ZNF469: variants seen among roughly 807,000 people sequenced by gnomAD.
The protein encoded by ZNF469 is zinc finger protein 469.
Under a neutral mutation model 1.0 loss-of-function variants are expected in ZNF469, and 1 was observed. The observed-to-expected ratio is 1.00, with a 90% confidence interval of 0.35 to 4.73. The LOEUF is 4.73. Ranked by LOEUF, ZNF469 falls within the 30% of genes most tolerant of loss-of-function variation. The probability of loss-of-function intolerance (pLI) is 0.16; values close to 1 mark genes in which losing one functional copy is unlikely to be tolerated. For synonymous variants in ZNF469, 2,703 were observed against 2,363.4 expected (o/e 1.14, Z -4.17); for missense variants, 6,100 against 5,356.3 (o/e 1.14, Z -4.33).
At chr16:88,340,209 G>T in the ZNF469 span, among the ~76,000 whole-genome samples, 1 of 152,196 alleles carries the variant, frequency 6.6e-6, no homozygotes, top group African/African-American at 2.4e-5. Flanking sequence ...GCAGCTTAAG[G>T]AGTTCACCTG....
chr16:88,362,139 C>T, the ZNF469 span, among the ~76,000 whole-genome samples: 1 of 152,208 alleles, frequency 6.6e-6, no homozygotes. Context: ...TGGTCCTTTA[C>T]ATTTCCCTAT....
At position 88,437,532 on chromosome 16, in the gene ZNF469, C is replaced by T. The variant is rs1233828389; in HGVS notation, c.10062C>T (p.Arg3354=). 3 of 1,542,458 alleles carry T rather than the reference C, an allele frequency of 1.9e-6. No homozygotes were observed. Among genetic ancestry groups the T allele is most frequent in the East Asian group, 2.5e-5 (1 of 40,534 alleles). Residue 3354 remains arginine (R), a synonymous_variant, in exon 3 of 3, where the codon CGC becomes CGT. Transcript: ENST00000565624. The part of the protein sequence containing the change: ...KRFPKPFKLQ[R]HLAVHSPQRV... The stretch of plus-strand genomic sequence containing the variant: ...TCCCCAAGCCCTTCAAGCTGCAGCG[C>T]CACCTGGCGGTGCACAGCCCGCAGC...
the ZNF469 span, among the ~76,000 whole-genome samples, chr16:88,204,821 T>G: frequency 6.6e-6 from 1 of 152,186 alleles, no homozygotes; most frequent in Admixed American, 6.5e-5. Context: ...AGCTTTTCAC[T>G]GTCACTCTTG....
chr16:88,152,434 C>T, the ZNF469 span, among the ~76,000 whole-genome samples: 52 of 152,260 alleles, frequency 3.4e-4, no homozygotes, highest in East Asian at 1.7e-3. This position sits in a 1 kb window ranked among gnomAD's most constrained non-coding sequence, Gnocchi z 4.2. Context: ...AGGCTGGGGC[C>T]GGGGCCTCGG....
the ZNF469 span, among the ~76,000 whole-genome samples, chr16:88,279,399 C>T: frequency 2.2e-4 from 33 of 147,408 alleles, no homozygotes; most frequent in East Asian, 6.3e-4. Context: ...TATCAGTGCA[C>T]GGTTAGTGCT....
At chr16:88,100,998 C>T in the ZNF469 span, 14 of 268,894 alleles carry the variant, frequency 5.2e-5, no homozygotes, top group East Asian at 4.4e-4. Context: ...AGCCGGGGCA[C>T]GGGGCAGCTG....
the ZNF469 span, among the ~76,000 whole-genome samples, chr16:88,290,275 C>A: frequency 1.3e-5 from 2 of 152,204 alleles, no homozygotes; most frequent in East Asian, 3.8e-4. Context: ...ATTTCCGGTG[C>A]CCTTGATCTC....
chr16:88,213,285 G>A, the ZNF469 span, among the ~76,000 whole-genome samples: 1 of 152,090 alleles, frequency 6.6e-6, no homozygotes, highest in Non-Finnish European at 1.5e-5. Context: ...ATTTTTAGTA[G>A]AGACAGAGTT....
the ZNF469 span, among the ~76,000 whole-genome samples, chr16:88,332,844 C>G: frequency 6.6e-6 from 1 of 152,228 alleles, no homozygotes; most frequent in Non-Finnish European, 1.5e-5. Flanking sequence ...CTCACCGTTT[C>G]ACAGACGAGA....
Position 88,430,442 on chromosome 16 carries a change from C to T in ZNF469, c.2972C>T (p.Pro991Leu). The part of the protein sequence containing the change: ...RRNDGLGERP[P>L]PRPRRPRTQA... ...AACGACGGTCTCGGGGAGCGGCCCC[C>T]ACCCCGTCCCCGGCGCCCTAGAACG... The change falls in exon 3 of 3, where the codon CCA becomes CTA. Residue 991 changes from proline (P) to leucine (L), a missense_variant. Coordinates refer to ENST00000565624, the MANE Select transcript of ZNF469 (RefSeq NM_001367624.2). 2.0e-6 allele frequency: 3 copies of T among 1,503,800 alleles called. No individual in the cohort carries two copies. The highest frequency in any genetic ancestry group is 2.7e-6 in the Non-Finnish European group (3 of 1,131,940). The allele number at this position is 1,503,800 out of a possible 1,614,324, so 93.2% of individuals were successfully genotyped here. A position where few individuals can be genotyped will look rare whatever the true frequency, so the allele number is the denominator to read the frequency against.
intron 1 of ZNF469, among the ~76,000 whole-genome samples, chr16:88,409,327 C>T (rs1711628625): frequency 1.3e-5 from 2 of 152,344 alleles, no homozygotes; most frequent in South Asian, 4.1e-4. Flanking sequence ...CCCTCGGAGA[C>T]ACTTGAGAAC....
the ZNF469 span, among the ~76,000 whole-genome samples, chr16:88,141,214 C>G: frequency 1.3e-3 from 201 of 152,356 alleles, no homozygotes; most frequent in African/African-American, 3.9e-3. Context: ...AAAAGACTTT[C>G]TACCCCAAAT....
chr16:88,288,666 C>G, the ZNF469 span, among the ~76,000 whole-genome samples: 1 of 152,222 alleles, frequency 6.6e-6, no homozygotes, highest in Non-Finnish European at 1.5e-5. Context: ...ACCCCTGATA[C>G]TGTCTCATGT....
chr16:88,108,253 C>G, the ZNF469 span, among the ~76,000 whole-genome samples: 19 of 150,750 alleles, frequency 1.3e-4, no homozygotes, highest in Non-Finnish European at 2.4e-4. Flanking sequence ...GGGTCCATGT[C>G]TGTGGGGATG....
In ZNF469 at chr16:88,433,981, G is replaced by T. The variant is rs1597211331; in HGVS notation, c.6511G>T (p.Ala2171Ser). The change falls in exon 3 of 3, where the codon GCC becomes TCC. Residue 2171 changes from alanine (A) to serine (S), a missense_variant. Coordinates refer to ENST00000565624, the MANE Select transcript of ZNF469 (RefSeq NM_001367624.2). The stretch of plus-strand genomic sequence containing the variant: ...CCAGCAGCTGCTGGCCTGTTCTCCT[G>T]CCTGGGCACCTCTGGAAGAGGCAGA... ...GPQQLLACSP[A>S]WAPLEEADGV... is the part of the protein sequence containing the mutation. The T allele has an allele frequency of 5.2e-6, 8 of 1,550,292 alleles. No individual in the cohort carries two copies. Among genetic ancestry groups the T allele is most frequent in the African/African-American group, 4.1e-5 (3 of 73,180 alleles).
the ZNF469 span, among the ~76,000 whole-genome samples, chr16:88,369,733 A>G: frequency 1.3e-5 from 2 of 152,300 alleles, no homozygotes; most frequent in Admixed American, 6.5e-5. Context: ...GCAGAGCTAG[A>G]TGGAGAGGAG....
chr16:88,326,505 C>A, the ZNF469 span, among the ~76,000 whole-genome samples: 1 of 152,186 alleles, frequency 6.6e-6, no homozygotes, highest in Non-Finnish European at 1.5e-5. Context: ...TTCTGCTGCT[C>A]CTGGGCCTCG....
At chr16:88,295,971 T>G in the ZNF469 span, among the ~76,000 whole-genome samples, 5 of 152,194 alleles carry the variant, frequency 3.3e-5, no homozygotes, top group Non-Finnish European at 7.4e-5. Context: ...AGAAAGGGCT[T>G]GGATGTCGCG....
the ZNF469 span, among the ~76,000 whole-genome samples, chr16:88,182,435 G>C: frequency 6.6e-5 from 10 of 151,922 alleles, no homozygotes; most frequent in Admixed American, 2.0e-4. Context: ...AACTTTGAAA[G>C]AGAAAATCTT....
Sources: gnomAD v4.1 joint callset for allele counts (sites outside exome capture counted in the v4.1 genomes callset) on GRCh38, gnomAD v4.1.1 for gene constraint, Gnocchi (gnomAD v3.1) non-coding constraint, MANE v1.5 for transcripts, NCBI Gene and HGNC (gene_info 2026-07-23, HGNC 2026-07-21) for gene names.